The following PLCE1 variants were observed in gnomAD, a reference collection of about 807,000 sequenced individuals.
The protein encoded by PLCE1 is 1-phosphatidylinositol 4,5-bisphosphate phosphodiesterase epsilon-1.
PLCE1 carries 119 observed loss-of-function variants against 242.8 expected under a neutral mutation model. The ratio of observed to expected loss-of-function variants is 0.49; its 90% CI spans 0.42 to 0.57. The LOEUF (loss-of-function observed/expected upper bound fraction) is 0.57, where lower values mean the gene tolerates loss of function less well. Ranked by LOEUF, PLCE1 falls within the 20% of genes least tolerant of loss-of-function variation. The probability of loss-of-function intolerance (pLI) is 0.00; values close to 1 mark genes in which losing one functional copy is unlikely to be tolerated. For missense variants in PLCE1, 2,441 were observed against 2,788.8 expected, an observed-to-expected ratio of 0.88 and a Z score of 2.81; for synonymous variants, 945 against 1,017.4, an observed-to-expected ratio of 0.93 and a Z score of 1.35.
In PLCE1 at chr10:94,316,528, G is replaced by C; in HGVS notation, c.6133-19G>C. The stretch of plus-strand genomic sequence containing the variant: ...AAGTTTTTGCCTCACTCCTCAGTTT[G>C]CCTTCACTTTTTCTTTAGATTCTGA... On this transcript the variant is annotated intron_variant, in intron 28 of 32. Coordinates refer to ENST00000371380, the MANE Select transcript of PLCE1 (RefSeq NM_016341.4). 6.4e-7 allele frequency: 1 copy of C among 1,552,600 alleles called. No homozygotes were observed. The highest frequency in any genetic ancestry group is 8.9e-7 in the Non-Finnish European group (1 of 1,126,716).
At chr10:94,069,765 A>G (rs550066431) in intron 2 of PLCE1, among the ~76,000 whole-genome samples, 72 of 152,352 alleles carry the variant, frequency 4.7e-4, no homozygotes, top group African/African-American at 1.7e-3. Flanking sequence ...ATAGCGGATT[A>G]TTTTGACAGC....
intron 2 of PLCE1, among the ~76,000 whole-genome samples, chr10:94,063,792 G>T (rs2044126242): frequency 6.6e-6 from 1 of 152,194 alleles, no homozygotes; most frequent in South Asian, 2.1e-4. Context: ...GATGAGGGTA[G>T]CCAGTGAGGG....
At chr10:94,263,285 C>T (rs1305590411) in intron 14 of PLCE1, among the ~76,000 whole-genome samples, 1 of 150,660 alleles carries the variant, frequency 6.6e-6, no homozygotes, top group South Asian at 2.1e-4. Context: ...AGGCTGAGGC[C>T]GGTGGATCAC....
intron 2 of PLCE1, among the ~76,000 whole-genome samples, chr10:94,046,261 C>T (rs2061881176): frequency 6.6e-6 from 1 of 152,204 alleles, no homozygotes; most frequent in African/African-American, 2.4e-5. Flanking sequence ...GCATACAGAG[C>T]AGCCATGGGG....
chr10:94,246,296 G>A lies in PLCE1; in HGVS notation c.2771G>A (p.Gly924Asp). 3 of 1,614,174 alleles carry A rather than the reference G, an allele frequency of 1.9e-6. No homozygotes were observed. The highest frequency in any genetic ancestry group is 2.5e-6 in the Non-Finnish European group (3 of 1,180,018). The stretch of plus-strand genomic sequence containing the variant: ...GAGCCTGGAAAATTCCCACTACTGG[G>A]TAATGCTGGATTAAGTAGCCTGACG... ...TAEPGKFPLL[G>D]NAGLSSLTEG... Residue 924 changes from glycine (G) to aspartate (D), a missense_variant, in exon 8 of 33, where the codon GGT (glycine) becomes GAT (aspartate). By Grantham distance (94) the Gly-to-Asp change is moderately conservative. This residue lies in a region of PLCE1 where 733 missense variants were observed against 754.2 expected (regional missense o/e 0.97). Transcript: ENST00000371380.
intron 1 of PLCE1, among the ~76,000 whole-genome samples, chr10:94,015,714 T>A (rs2061264751): frequency 6.6e-6 from 1 of 152,106 alleles, no homozygotes; most frequent in South Asian, 2.1e-4. Flanking sequence ...GAAATGGGAA[T>A]GAATAGGCCA....
chr10:94,090,066 A>T (rs555027245), intron 2 of PLCE1, among the ~76,000 whole-genome samples: 1 of 152,334 alleles, frequency 6.6e-6, no homozygotes, highest in Admixed American at 6.5e-5. Context: ...ACTTATAAAC[A>T]TTAAAAGGAT....
chr10:94,318,428 T>G lies in PLCE1; in HGVS notation c.6342+1672T>G, dbSNP rs368776920. Among the ~76,000 whole-genome samples the G allele has an allele frequency of 1.8e-3, 274 of 152,370 alleles. 2 individuals carry two copies. The highest frequency in any genetic ancestry group is 6.1e-3 in the African/African-American group (252 of 41,594). On this transcript the variant is annotated intron_variant, in intron 29 of 32. Coordinates refer to ENST00000371380, the MANE Select transcript of PLCE1 (RefSeq NM_016341.4). ...GTAAACCTCATACTTGTGTATGATT[T>G]ACAGCGTTGAAAGCCCTCAAACACT... is the stretch of plus-strand genomic sequence containing the variant.
chr10:94,252,189 C>T, intron 8 of PLCE1, 127 bp from the exon 9 acceptor site: 1 of 789,316 alleles, frequency 1.3e-6, no homozygotes, highest in East Asian at 2.5e-5. Flanking sequence ...CTTGGGTGGC[C>T]AGATCATTAT....
rs1312227307 is a variant in PLCE1, at chr10:94,329,009, A to ACTT, written c.*1067_*1069dup. 1 of 152,170 alleles carries ACTT rather than the reference A, an allele frequency of 6.6e-6. No homozygotes were observed. Among genetic ancestry groups the ACTT allele is most frequent in the African/African-American group, 2.4e-5 (1 of 41,438 alleles). The allele number at this position is 152,170 out of a possible 1,614,324, so 9.4% of individuals were successfully genotyped here. On this transcript the variant is annotated 3_prime_UTR_variant, in exon 33 of 33. Transcript: ENST00000371380. ...TTTGCAAGGTTTGTACTGACACTAT[A>ACTT]CTTATATATTTATTATACATCGCTC...
At position 94,135,039 on chromosome 10, in the gene PLCE1, A is replaced by G. The variant is rs1244976395; in HGVS notation, c.1492+2580A>G. On this transcript the variant is annotated intron_variant, in intron 3 of 32. Transcript: ENST00000371380. ...TTTTTCAATTTCAGCATCCTCTCCC[A>G]TTTGGTTTTCAAAGTCTTTACGTGC... Among the ~76,000 whole-genome samples, 4 of 152,090 alleles carry G rather than the reference A, an allele frequency of 2.6e-5. No homozygotes were observed. In the East Asian group the frequency reaches 7.7e-4, roughly 29 times the overall value.
chr10:94,052,328 G>C (rs546975463), intron 2 of PLCE1, among the ~76,000 whole-genome samples: 1 of 152,266 alleles, frequency 6.6e-6, no homozygotes, highest in South Asian at 2.1e-4. Flanking sequence ...ACAAATCTTT[G>C]AGAAAAGGTA....
intron 7 of PLCE1, among the ~76,000 whole-genome samples, chr10:94,243,313 ACTC>A (rs988556866): frequency 3.3e-5 from 5 of 152,104 alleles, no homozygotes; most frequent in African/African-American, 1.2e-4. Flanking sequence ...CCTGAGCAGT[ACTC>A]CTCCAAACTG....
At position 94,324,385 on chromosome 10, in the gene PLCE1, A is replaced by G. The variant is rs1165674143; in HGVS notation, c.6538A>G (p.Ser2180Gly). 6.2e-7 allele frequency: 1 copy of G among 1,614,086 alleles called. No individual in the cohort carries two copies. The highest frequency in any genetic ancestry group is 8.5e-7 in the Non-Finnish European group (1 of 1,180,042). ...CKAKYSYSIL[S>G]NPNPSDYVLL... ...AGCCAAATATTCCTACAGCATCCTG[A>G]GCAACCCCAATCCAAGCGACTATGT... Residue 2180 changes from serine (S) to glycine (G), a missense_variant, in exon 31 of 33, where the codon AGC (serine) becomes GGC (glycine). Physicochemically the swap from Ser to Gly is moderately conservative, Grantham distance 56. Coordinates refer to ENST00000371380, the MANE Select transcript of PLCE1 (RefSeq NM_016341.4).
intron 5 of PLCE1, among the ~76,000 whole-genome samples, chr10:94,228,071 G>C (rs760512571): frequency 3.9e-5 from 6 of 152,242 alleles, no homozygotes; most frequent in Non-Finnish European, 8.8e-5. Flanking sequence ...AGGTCACCTG[G>C]CATTGCTGGG....
intron 8 of PLCE1, among the ~76,000 whole-genome samples, chr10:94,249,406 C>G (rs982237861): frequency 2.4e-4 from 35 of 147,986 alleles, no homozygotes; most frequent in African/African-American, 8.2e-4. Flanking sequence ...AAATTAAATT[C>G]TCTCAGATGC....
chr10:94,190,241 C>G (rs896370149), intron 4 of PLCE1, among the ~76,000 whole-genome samples: 7 of 152,198 alleles, frequency 4.6e-5, no homozygotes, highest in Non-Finnish European at 7.3e-5. Flanking sequence ...GATGGCGCTA[C>G]TGTACTCCAG....
intron 1 of PLCE1, among the ~76,000 whole-genome samples, chr10:94,007,074 G>A (rs139738463): frequency 6.6e-6 from 1 of 152,074 alleles, no homozygotes; most frequent in Non-Finnish European, 1.5e-5. Flanking sequence ...AGAGGACTAT[G>A]GATGATTAGG....
intron 4 of PLCE1, among the ~76,000 whole-genome samples, chr10:94,179,511 A>ATTTTTTTTTTTTTTT (rs1564761610): frequency 1.6e-4 from 2 of 12,418 alleles, no homozygotes; most frequent in African/African-American, 5.0e-4. Flanking sequence ...ATTTTAGTTT[A>ATTTTTTTTTTTTTTT]GTTTTTTTTT....
Sources: allele counts gnomAD v4.1 joint callset (sites outside exome capture counted in the v4.1 genomes callset), GRCh38; gene constraint gnomAD v4.1.1; regional missense constraint gnomAD v4.1.1; transcripts MANE v1.5; gene names NCBI Gene and HGNC (gene_info 2026-07-23, HGNC 2026-07-21).